Variants in GALNT13 observed in about 807,000 individuals in gnomAD.
The protein encoded by GALNT13 is polypeptide N-acetylgalactosaminyltransferase 13, also known as UDP-GalNAc:polypeptide N-acetylgalactosaminyltransferase 13.
A neutral mutation model predicts 64.2 loss-of-function variants in GALNT13; 28 were observed. The ratio of observed to expected loss-of-function variants is 0.44; its 90% CI spans 0.32 to 0.60. The LOEUF (loss-of-function observed/expected upper bound fraction) is 0.60. Among genes scored for constraint, GALNT13 ranks in the 20% least tolerant of loss-of-function variants. The probability of loss-of-function intolerance (pLI) is 0.05; values close to 1 mark genes in which losing one functional copy is unlikely to be tolerated. For synonymous variants in GALNT13, 214 were observed against 224.6 expected, an observed-to-expected ratio of 0.95 and a Z score of 0.42; for missense variants, 577 against 669.8, an observed-to-expected ratio of 0.86 and a Z score of 1.53.
intron 1 of GALNT13, among the ~76,000 whole-genome samples, chr2:153,873,191 G>C (rs973347257): frequency 6.6e-6 from 1 of 152,174 alleles, no homozygotes; most frequent in African/African-American, 2.4e-5. Flanking sequence ...CAGGTGCAGA[G>C]ATTTTCCTGC....
intron 3 of GALNT13, among the ~76,000 whole-genome samples, chr2:153,962,235 C>A (rs1227490145): frequency 6.6e-6 from 1 of 152,154 alleles, no homozygotes; most frequent in Non-Finnish European, 1.5e-5. Flanking sequence ...TATATACTTT[C>A]ACTTTCTCCA....
chr2:154,112,774 C>T (rs1375235657), intron 3 of GALNT13, among the ~76,000 whole-genome samples: 1 of 152,176 alleles, frequency 6.6e-6, no homozygotes, highest in East Asian at 1.9e-4. Context: ...GCCTGCATAT[C>T]GTGCAGAACC....
chr2:154,291,401 A>G (rs1692621918), intron 8 of GALNT13, among the ~76,000 whole-genome samples: 1 of 152,162 alleles, frequency 6.6e-6, no homozygotes, highest in Admixed American at 6.5e-5. Context: ...CAGAGTGCTG[A>G]TTGGTGCATT....
At chr2:154,347,181 A>G (rs17811284) in intron 9 of GALNT13, among the ~76,000 whole-genome samples, 2,276 of 152,228 alleles carry the variant, frequency 0.015, 25 homozygotes, top group Non-Finnish European at 0.024. Context: ...GCTTGGATTA[A>G]TAAGTTCTAG....
At chr2:153,577,854 T>C in the GALNT13 span, among the ~76,000 whole-genome samples, 3 of 150,848 alleles carry the variant, frequency 2.0e-5, no homozygotes, top group Non-Finnish European at 4.4e-5. Flanking sequence ...AATATATGGA[T>C]ATTGAATGAA....
intron 9 of GALNT13, among the ~76,000 whole-genome samples, chr2:154,348,800 C>T (rs999111640): frequency 4.0e-5 from 6 of 151,894 alleles, no homozygotes; most frequent in African/African-American, 7.3e-5. Context: ...ATCTAGCGCT[C>T]CGGAGTTTGC....
At chr2:153,406,185 T>C in the GALNT13 span, among the ~76,000 whole-genome samples, 3 of 152,162 alleles carry the variant, frequency 2.0e-5, no homozygotes, top group Non-Finnish European at 4.4e-5. Flanking sequence ...AACTTTGACA[T>C]TTTTGAGGGT....
At chr2:154,094,755 A>C (rs1322744828) in intron 3 of GALNT13, among the ~76,000 whole-genome samples, 1 of 151,898 alleles carries the variant, frequency 6.6e-6, no homozygotes, top group Non-Finnish European at 1.5e-5. Flanking sequence ...TTTAAATGTC[A>C]ACTACTCATC....
the GALNT13 span, among the ~76,000 whole-genome samples, chr2:153,808,484 T>C: frequency 6.6e-6 from 1 of 152,154 alleles, no homozygotes; most frequent in African/African-American, 2.4e-5. Context: ...TGTCATCTAA[T>C]CTCCAGGGTT....
chr2:154,198,645 G>A (rs928910948), intron 4 of GALNT13, among the ~76,000 whole-genome samples: 3 of 151,764 alleles, frequency 2.0e-5, no homozygotes, highest in Non-Finnish European at 4.4e-5. Flanking sequence ...GGTACTTGCA[G>A]CATATAACCT....
chr2:153,581,804 G>C, the GALNT13 span, among the ~76,000 whole-genome samples: 1 of 152,018 alleles, frequency 6.6e-6, no homozygotes, highest in Non-Finnish European at 1.5e-5. Flanking sequence ...AGAGCATTTT[G>C]ATTCTCTGCT....
the GALNT13 span, among the ~76,000 whole-genome samples, chr2:153,227,868 C>T: frequency 6.6e-6 from 1 of 152,150 alleles, no homozygotes; most frequent in Non-Finnish European, 1.5e-5. Context: ...ATTCTGTTGG[C>T]TCATGTAGAA....
At chr2:153,136,848 C>CCACACGCACACACACACACA in the GALNT13 span, among the ~76,000 whole-genome samples, 1 of 148,442 alleles carries the variant, frequency 6.7e-6, no homozygotes, top group East Asian at 2.0e-4. Context: ...GGTGTTTGCA[C>CCACACGCACACACACACACA]CACACACACA....
At chr2:153,621,722 C>G in the GALNT13 span, among the ~76,000 whole-genome samples, 1 of 152,090 alleles carries the variant, frequency 6.6e-6, no homozygotes, top group South Asian at 2.1e-4. Flanking sequence ...CACCCAGTAC[C>G]CACCACCACC....
At chr2:153,942,387 T>C (rs570615637) in intron 2 of GALNT13, among the ~76,000 whole-genome samples, 2 of 152,210 alleles carry the variant, frequency 1.3e-5, no homozygotes, top group African/African-American at 4.8e-5. Flanking sequence ...TACTTCTCCA[T>C]GGAATTATTT....
intron 4 of GALNT13, among the ~76,000 whole-genome samples, chr2:154,194,330 A>G (rs534032389): frequency 2.0e-5 from 3 of 152,192 alleles, no homozygotes; most frequent in African/African-American, 7.2e-5. Flanking sequence ...ATTAATGTAG[A>G]TATCTCAAAT....
chr2:153,090,019 A>C, the GALNT13 span, among the ~76,000 whole-genome samples: 1 of 151,866 alleles, frequency 6.6e-6, no homozygotes, highest in African/African-American at 2.4e-5. Flanking sequence ...CTCTTTTTTC[A>C]TATTACCAGA....
At chr2:153,759,377 G>A in the GALNT13 span, among the ~76,000 whole-genome samples, 1 of 152,080 alleles carries the variant, frequency 6.6e-6, no homozygotes, top group Non-Finnish European at 1.5e-5. Context: ...TTCATGTCTT[G>A]TTTCTGATCT....
the GALNT13 span, among the ~76,000 whole-genome samples, chr2:153,780,214 G>GATAT: frequency 4.1e-4 from 53 of 128,026 alleles, no homozygotes; most frequent in East Asian, 2.1e-3. Flanking sequence ...AGAATTTGAA[G>GATAT]ATATATATAT....
Sources: allele counts gnomAD v4.1 joint callset (sites outside exome capture counted in the v4.1 genomes callset), GRCh38; gene constraint gnomAD v4.1.1; transcripts MANE v1.5; gene names NCBI Gene and HGNC (gene_info 2026-07-23, HGNC 2026-07-21).